Variants in SLC24A2 observed in about 807,000 individuals in gnomAD.
SLC24A2 encodes sodium/potassium/calcium exchanger 2.
Under a neutral mutation model 62.0 loss-of-function variants are expected in SLC24A2, and 36 were observed. That is an observed-to-expected ratio of 0.58 (90% CI 0.44 to 0.77). SLC24A2 has a LOEUF of 0.77. SLC24A2 is among the 30% of genes least tolerant of loss of function. The pLI, the probability that SLC24A2 is intolerant of heterozygous loss-of-function variation, is 0.00. For missense variants in SLC24A2, 846 were observed against 817.9 expected, an observed-to-expected ratio of 1.03 and a Z score of -0.42; for synonymous variants, 358 against 294.0, an observed-to-expected ratio of 1.22 and a Z score of -2.23.
At chr9:19,701,032 G>C (rs980079625) in intron 2 of SLC24A2, among the ~76,000 whole-genome samples, 2 of 152,204 alleles carry the variant, frequency 1.3e-5, no homozygotes, top group East Asian at 1.9e-4. Context: ...TAAGATTAAA[G>C]TATCAGAGGA....
At chr9:20,229,737 TTTATTA>T in the SLC24A2 span, among the ~76,000 whole-genome samples, 7 of 152,044 alleles carry the variant, frequency 4.6e-5, no homozygotes, top group African/African-American at 4.8e-5. Context: ...TTTTTTTAAT[TTTATTA>T]TTATTATACT....
At chr9:20,123,022 G>A in the SLC24A2 span, among the ~76,000 whole-genome samples, 1 of 152,100 alleles carries the variant, frequency 6.6e-6, no homozygotes, top group Non-Finnish European at 1.5e-5. Flanking sequence ...ATTCTATTCA[G>A]GATGCTATAA....
chr9:20,083,807 T>C, the SLC24A2 span, among the ~76,000 whole-genome samples: 1 of 152,216 alleles, frequency 6.6e-6, no homozygotes, highest in Non-Finnish European at 1.5e-5. Context: ...AATTGGCATA[T>C]GCTAATGCAG....
chr9:19,614,055 TAGG>T (rs1817700661), intron 4 of SLC24A2, among the ~76,000 whole-genome samples: 1 of 152,170 alleles, frequency 6.6e-6, no homozygotes, highest in Non-Finnish European at 1.5e-5. Context: ...AGACAAATGG[TAGG>T]AGAAGATACT....
At chr9:20,190,266 G>GAA in the SLC24A2 span, among the ~76,000 whole-genome samples, 2 of 152,124 alleles carry the variant, frequency 1.3e-5, no homozygotes, top group African/African-American at 4.8e-5. Context: ...AGTCCTCAGG[G>GAA]AAACTGCAAA....
At chr9:20,159,623 G>A in the SLC24A2 span, among the ~76,000 whole-genome samples, 1 of 151,274 alleles carries the variant, frequency 6.6e-6, no homozygotes, top group Non-Finnish European at 1.5e-5. Flanking sequence ...GAAGGAGAGA[G>A]AAAGGGAAAA....
chr9:19,712,402 T>C (rs929512393), intron 2 of SLC24A2, among the ~76,000 whole-genome samples: 4 of 152,208 alleles, frequency 2.6e-5, no homozygotes, highest in African/African-American at 4.8e-5. Context: ...GGTTTGAATG[T>C]ACTTTTCAGG....
the SLC24A2 span, among the ~76,000 whole-genome samples, chr9:19,880,289 G>A: frequency 2.0e-5 from 3 of 152,190 alleles, no homozygotes; most frequent in Admixed American, 6.5e-5. Flanking sequence ...AGTAACTCGG[G>A]ACTGGTTGGC....
intron 2 of SLC24A2, among the ~76,000 whole-genome samples, chr9:19,697,399 C>A (rs898223450): frequency 5.3e-5 from 8 of 152,056 alleles, no homozygotes; most frequent in African/African-American, 1.9e-4. Context: ...ACCTACGAAA[C>A]AAACCTGCAC....
At chr9:19,533,897 G>T (rs986615090) in intron 8 of SLC24A2, among the ~76,000 whole-genome samples, 4 of 152,162 alleles carry the variant, frequency 2.6e-5, no homozygotes, top group African/African-American at 9.7e-5. Context: ...CTTTCATTTG[G>T]CATATTGTAT....
chr9:19,965,279 T>C, the SLC24A2 span, among the ~76,000 whole-genome samples: 1 of 152,108 alleles, frequency 6.6e-6, no homozygotes. Flanking sequence ...AACAAATGCT[T>C]GCCACAGTGC....
intron 7 of SLC24A2, among the ~76,000 whole-genome samples, chr9:19,565,626 T>C (rs1342467463): frequency 6.6e-6 from 1 of 152,088 alleles, no homozygotes; most frequent in Non-Finnish European, 1.5e-5. Flanking sequence ...CTAAAGTTCA[T>C]ATGGAACCAA....
chr9:20,166,130 C>A, the SLC24A2 span, among the ~76,000 whole-genome samples: 14 of 151,988 alleles, frequency 9.2e-5, no homozygotes, highest in South Asian at 2.9e-3. Flanking sequence ...TGACTATAAT[C>A]TGTTGGCAAA....
the SLC24A2 span, among the ~76,000 whole-genome samples, chr9:20,237,159 C>A: frequency 3.3e-5 from 5 of 152,154 alleles, no homozygotes; most frequent in Non-Finnish European, 7.4e-5. Context: ...GTGAAATTTG[C>A]AAAGGGAAAC....
the SLC24A2 span, among the ~76,000 whole-genome samples, chr9:20,110,049 A>G: frequency 1.3e-5 from 2 of 152,074 alleles, no homozygotes; most frequent in Non-Finnish European, 2.9e-5. Context: ...AAAGCTTTCT[A>G]TTTCAACGTC....
At chr9:20,105,903 C>A in the SLC24A2 span, among the ~76,000 whole-genome samples, 2 of 152,256 alleles carry the variant, frequency 1.3e-5, no homozygotes, top group African/African-American at 4.8e-5. Flanking sequence ...ATTAATGAAT[C>A]CAGGAGCTGG....
chr9:20,175,453 AC>A, the SLC24A2 span, among the ~76,000 whole-genome samples: 1 of 152,246 alleles, frequency 6.6e-6, no homozygotes, highest in South Asian at 2.1e-4. Flanking sequence ...ATAATGAATT[AC>A]TTAATGCTAC....
At chr9:20,128,126 A>C in the SLC24A2 span, among the ~76,000 whole-genome samples, 2 of 152,112 alleles carry the variant, frequency 1.3e-5, no homozygotes, top group African/African-American at 4.8e-5. Flanking sequence ...CCCAGGTCCA[A>C]GTCAGCTGCT....
the SLC24A2 span, among the ~76,000 whole-genome samples, chr9:20,107,056 C>T: frequency 5.3e-5 from 8 of 152,158 alleles, no homozygotes; most frequent in Non-Finnish European, 1.2e-4. Context: ...ACACCAATAA[C>T]AGACAAACAG....
Sources: allele counts gnomAD v4.1 joint callset (sites outside exome capture counted in the v4.1 genomes callset), GRCh38; gene constraint gnomAD v4.1.1; transcripts MANE v1.5; gene names NCBI Gene and HGNC (gene_info 2026-07-23, HGNC 2026-07-21).